DNAJC10: variants seen among roughly 807,000 people sequenced by gnomAD.
DNAJC10 encodes DnaJ heat shock protein family (Hsp40) member C10, also known as endoplasmic reticulum disulfide reductase DNAJC10.
In DNAJC10, 101 loss-of-function variants were observed where a neutral mutation model predicts 115.0. The ratio of observed to expected loss-of-function variants is 0.88; its 90% CI spans 0.75 to 1.04. The LOEUF (loss-of-function observed/expected upper bound fraction) is 1.04, where lower values mean the gene tolerates loss of function less well. Ranked by LOEUF, DNAJC10 falls within the 50% of genes least tolerant of loss-of-function variation. The pLI is 0.00. For synonymous variants in DNAJC10, 307 were observed against 301.5 expected, an observed-to-expected ratio of 1.02 and a Z score of -0.19; for missense variants, 981 against 928.8, an observed-to-expected ratio of 1.06 and a Z score of -0.73.
intron 14 of DNAJC10, among the ~76,000 whole-genome samples, chr2:182,748,321 G>T (rs529151022): frequency 2.6e-5 from 4 of 152,160 alleles, no homozygotes; most frequent in Admixed American, 6.5e-5. Context: ...CTTCCTCCTT[G>T]TACCTGTGGT....
chr2:182,760,386 T>C (rs1231236013), intron 21 of DNAJC10, among the ~76,000 whole-genome samples: 1 of 152,186 alleles, frequency 6.6e-6, no homozygotes, highest in Non-Finnish European at 1.5e-5. Context: ...TAAAAGGAGC[T>C]GGATACCAAT....
intron 10 of DNAJC10, 25 bp from the exon 11 acceptor site, chr2:182,736,224 G>C (rs199842250): frequency 6.5e-7 from 1 of 1,545,702 alleles, no homozygotes; most frequent in Admixed American, 2.2e-5. Flanking sequence ...TTTACAACAT[G>C]GTTTGTTGTT....
chr2:182,751,742 C>T lies in DNAJC10; in HGVS notation c.1391C>T (p.Pro464Leu), dbSNP rs1694024674. The change falls in exon 15 of 24, where the codon CCT (proline) becomes CTT (leucine). Residue 464 changes from proline to leucine, a missense_variant. Physicochemically the swap from Pro to Leu is moderately conservative, Grantham distance 98. Transcript: ENST00000264065. Reference sequence around the variant, plus strand: ...ACCACGCTTGGACCTCAAAATTTTCCTGCCAATGACAAAGAACCATGGCTT... The same window carrying T: ...ACCACGCTTGGACCTCAAAATTTTCTTGCCAATGACAAAGAACCATGGCTT... ...HVTTLGPQNF[P>L]ANDKEPWLVD... The T allele has an allele frequency of 5.0e-6, 8 of 1,613,896 alleles. No individual in the cohort carries two copies. The highest frequency in any genetic ancestry group is 1.7e-5 in the Admixed American group (1 of 60,000).
chr2:182,783,263 A>C lies in DNAJC10; in HGVS notation c.*6131A>C, dbSNP rs758872464. On this transcript the variant is annotated 3_prime_UTR_variant, in exon 24 of 24. Transcript: ENST00000264065. ...GGAAAATATGAAATTGGAAACTTAGAAAACTTGAATTCTAAGTGGCTATTT... is the reference window on the plus strand; with the variant it reads ...GGAAAATATGAAATTGGAAACTTAGCAAACTTGAATTCTAAGTGGCTATTT... The C allele has an allele frequency of 2.6e-5, 4 of 152,240 alleles. No homozygotes were observed. The highest frequency in any genetic ancestry group is 5.9e-5 in the Non-Finnish European group (4 of 68,042). The allele number at this position is 152,240 out of a possible 1,614,324, so 9.4% of individuals were successfully genotyped here.
At chr2:182,724,448 T>C (rs2105612239) in intron 5 of DNAJC10, among the ~76,000 whole-genome samples, 1 of 152,320 alleles carries the variant, frequency 6.6e-6, no homozygotes, top group South Asian at 2.1e-4. Flanking sequence ...TTCCATATGA[T>C]TCCATGTTAA....
Position 182,790,636 on chromosome 2 carries a change from A to T in DNAJC10, c.*13504A>T, listed in dbSNP as rs540559179. ...CGCCGTCTCTACTAAAAATACAAAA[A>T]AAAATGGCCAGGCGTGGTGGTGCAC... On this transcript the variant is annotated 3_prime_UTR_variant, in exon 24 of 24. Transcript: ENST00000264065. 6.6e-6 allele frequency: 1 copy of T among 151,922 alleles called. No individual in the cohort carries two copies. The highest frequency in any genetic ancestry group is 2.4e-5 in the African/African-American group (1 of 41,322). 9.4% of individuals were successfully genotyped at this position (151,922 alleles called of 1,614,324 possible). A position where few individuals can be genotyped will look rare whatever the true frequency, so the allele number is the denominator to read the frequency against.
chr2:182,746,404 T>C (rs1448659352), intron 14 of DNAJC10, among the ~76,000 whole-genome samples: 1 of 152,186 alleles, frequency 6.6e-6, no homozygotes, highest in East Asian at 1.9e-4. Context: ...TGTTGTTTTC[T>C]GACTTTTTAA....
At chr2:182,747,793 T>A (rs1377828259) in intron 14 of DNAJC10, among the ~76,000 whole-genome samples, 6 of 144,804 alleles carry the variant, frequency 4.1e-5, no homozygotes, top group Middle Eastern at 3.3e-3. Context: ...AGAGAGGGCA[T>A]CCCTGTCTTG....
intron 18 of DNAJC10, among the ~76,000 whole-genome samples, chr2:182,757,149 G>T (rs909486185): frequency 2.6e-5 from 4 of 152,116 alleles, no homozygotes; most frequent in Non-Finnish European, 4.4e-5. Flanking sequence ...GTTTTAAGTT[G>T]TAGAAGATTG....
intron 3 of DNAJC10, among the ~76,000 whole-genome samples, chr2:182,719,798 C>CTTTT (rs35682380): frequency 4.1e-5 from 5 of 122,196 alleles, no homozygotes; most frequent in South Asian, 2.6e-4. Context: ...ACTTTTCTTA[C>CTTTT]TTTTTTTTTT....
chr2:182,731,001 G>C (rs1174063684), intron 8 of DNAJC10, 29 bp from the exon 9 acceptor site: 3 of 1,534,490 alleles, frequency 2.0e-6, no homozygotes, highest in Non-Finnish European at 2.7e-6. Context: ...TAGGTGATCA[G>C]AATTTGCTTT....
Position 182,779,775 on chromosome 2 carries a change from G to A in DNAJC10, c.*2643G>A, listed in dbSNP as rs550290287. The A allele has an allele frequency of 1.4e-4, 21 of 152,154 alleles. No individual in the cohort carries two copies. The South Asian group carries it at 3.5e-3, about 26-fold the overall frequency. The allele number at this position is 152,154 out of a possible 1,614,324, so 9.4% of individuals were successfully genotyped here. On this transcript the variant is annotated 3_prime_UTR_variant, in exon 24 of 24. Coordinates refer to ENST00000264065, the MANE Select transcript of DNAJC10 (RefSeq NM_018981.4). The stretch of plus-strand genomic sequence containing the variant: ...TCTGTTTTCTGACAGTGCTCAAAGT[G>A]GGAATTTTTTTAGAAGTACGGTTAT...
chr2:182,758,957 AAT>A, intron 20 of DNAJC10, 67 bp downstream of exon 20: 1 of 1,266,810 alleles, frequency 7.9e-7, no homozygotes, highest in Non-Finnish European at 1.1e-6. Flanking sequence ...CTTTTATATC[AAT>A]AGTTAAATTT....
intron 22 of DNAJC10, among the ~76,000 whole-genome samples, chr2:182,769,910 A>G (rs1033794293): frequency 3.9e-5 from 6 of 152,132 alleles, no homozygotes; most frequent in African/African-American, 1.4e-4. Context: ...TATGTCCTGA[A>G]TGGTATTGCC....
intron 2 of DNAJC10, among the ~76,000 whole-genome samples, 158 bp from the exon 3 acceptor site, chr2:182,717,783 T>C (rs1237006477): frequency 6.6e-6 from 1 of 152,238 alleles, no homozygotes; most frequent in African/African-American, 2.4e-5. Context: ...CAAATCTAGC[T>C]ACATGGATGT....
rs1694025529 is a variant in DNAJC10 at position 182,751,765 on chromosome 2, C to T, written c.1414C>T (p.Leu472Phe). Residue 472 changes from leucine to phenylalanine, a missense_variant, in exon 15 of 24, where the codon CTT becomes TTT. By Grantham distance (22) the Leu-to-Phe change is conservative (BLOSUM62 0). Coordinates refer to ENST00000264065, the MANE Select transcript of DNAJC10 (RefSeq NM_018981.4). ...NFPANDKEPW[L>F]VDFFAPWCPP... ...TCCTGCCAATGACAAAGAACCATGG[C>T]TTGTTGATTTCTTTGCCCCCGTAAG... 6.2e-7 allele frequency: 1 copy of T among 1,613,478 alleles called. No individual in the cohort carries two copies. Among genetic ancestry groups the T allele is most frequent in the South Asian group, 1.1e-5 (1 of 90,892 alleles).
At chr2:182,734,548 A>T (rs1307703049) in intron 10 of DNAJC10, among the ~76,000 whole-genome samples, 2 of 151,756 alleles carry the variant, frequency 1.3e-5, no homozygotes, top group East Asian at 3.8e-4. Context: ...TGTAATTCAC[A>T]GGTACACATT....
rs1427901765 is a variant in DNAJC10 at position 182,794,331 on chromosome 2, T to A, written c.*17199T>A. The A allele has an allele frequency of 1.3e-5, 2 of 152,152 alleles. No homozygotes were observed. The highest frequency in any genetic ancestry group is 4.8e-5 in the African/African-American group (2 of 41,448). The allele number at this position is 152,152 out of a possible 1,614,324, so 9.4% of individuals were successfully genotyped here. Reference sequence around the variant, plus strand: ...GAAATAATCCATTCAGATTCTCTCCTTTGCATGATGACCACATTAAACTTA... The same window carrying A: ...GAAATAATCCATTCAGATTCTCTCCATTGCATGATGACCACATTAAACTTA... On this transcript the variant is annotated 3_prime_UTR_variant, in exon 24 of 24. Transcript: ENST00000264065.
intron 5 of DNAJC10, among the ~76,000 whole-genome samples, chr2:182,725,384 C>T (rs1693257197): frequency 1.3e-5 from 2 of 152,110 alleles, no homozygotes; most frequent in African/African-American, 4.8e-5. Flanking sequence ...GTGAGGGAGG[C>T]ATATCAAAAC....
Sources: gnomAD v4.1 joint callset for allele counts (sites outside exome capture counted in the v4.1 genomes callset) on GRCh38, gnomAD v4.1.1 for gene constraint, MANE v1.5 for transcripts, NCBI Gene and HGNC (gene_info 2026-07-23, HGNC 2026-07-21) for gene names.